Variants in SNX6 observed in about 807,000 individuals in gnomAD.
SNX6 encodes sorting nexin-6.
In SNX6, 34 loss-of-function variants were observed where a neutral mutation model predicts 63.0. The ratio of observed to expected loss-of-function variants is 0.54; its 90% CI spans 0.41 to 0.72. SNX6 has a LOEUF of 0.72. Ranked by LOEUF, SNX6 falls within the 30% of genes least tolerant of loss-of-function variation. The pLI, the probability that SNX6 is intolerant of heterozygous loss-of-function variation, is 0.00. For synonymous variants in SNX6, 170 were observed against 164.2 expected (o/e 1.04, Z -0.27); for missense variants, 398 against 471.4 (o/e 0.84, Z 1.44).
intron 9 of SNX6, 131 bp downstream of exon 9, chr14:34,586,099 C>T (rs1882143697): frequency 2.4e-6 from 1 of 417,652 alleles, no homozygotes; most frequent in Non-Finnish European, 4.4e-6. Context: ...GACGGGGTTT[C>T]ACCGTGTTGG....
intron 2 of SNX6, among the ~76,000 whole-genome samples, chr14:34,622,709 A>G (rs1318721971): frequency 6.6e-6 from 1 of 152,138 alleles, no homozygotes; most frequent in Non-Finnish European, 1.5e-5. Context: ...GAGGAACCAA[A>G]TTACCAACAC....
At chr14:34,622,045 G>A (rs895099020) in intron 2 of SNX6, among the ~76,000 whole-genome samples, 1 of 136,288 alleles carries the variant, frequency 7.3e-6, no homozygotes, top group African/African-American at 2.8e-5. Context: ...TGCTACCTCT[G>A]CCTCCTGGGT....
In SNX6 at chr14:34,626,933, T is replaced by C. The variant is rs953846861; in HGVS notation, c.54+2974A>G. On this transcript the variant is annotated intron_variant, in intron 2 of 13. Coordinates refer to ENST00000362031, the MANE Select transcript of SNX6 (RefSeq NM_152233.4). Reference sequence around the variant, plus strand: ...TCATATGCTTTATATTTAGAATAATTAGTTTAATTGTGCTATAATCAACTC... The same window carrying C: ...TCATATGCTTTATATTTAGAATAATCAGTTTAATTGTGCTATAATCAACTC... 1.6e-4 allele frequency among the ~76,000 whole-genome samples: 25 copies of C among 152,282 alleles called. 1 individual carries two copies. The highest frequency in any genetic ancestry group is 6.0e-4 in the African/African-American group (25 of 41,562).
intron 6 of SNX6, among the ~76,000 whole-genome samples, chr14:34,602,415 G>C (rs888322551): frequency 7.2e-6 from 1 of 139,178 alleles, no homozygotes; most frequent in Non-Finnish European, 1.6e-5. Context: ...AAACAAGAGC[G>C]AAACTGTCTT....
In SNX6 at chr14:34,603,331, A is replaced by G; in HGVS notation, c.516+17T>C. The G allele has an allele frequency of 1.3e-6, 2 of 1,576,668 alleles. No homozygotes were observed. Among genetic ancestry groups the G allele is most frequent in the Non-Finnish European group, 1.7e-6 (2 of 1,168,302 alleles). On this transcript the variant is annotated intron_variant, in intron 6 of 13. Transcript: ENST00000362031. ...GAAGAAAAAGAAAACTTGACCACCAATCAATGTGATACTCACATCTTGATT... is the reference window on the plus strand; with the variant it reads ...GAAGAAAAAGAAAACTTGACCACCAGTCAATGTGATACTCACATCTTGATT...
intron 6 of SNX6, 39 bp from the exon 7 acceptor site, chr14:34,597,684 T>C (rs370073248): frequency 5.6e-6 from 6 of 1,076,214 alleles, no homozygotes; most frequent in African/African-American, 1.6e-5. Flanking sequence ...AGGTTACAAA[T>C]GGAAAGCAGT....
At chr14:34,596,854 G>C (rs146544560) in intron 7 of SNX6, among the ~76,000 whole-genome samples, 44 of 151,898 alleles carry the variant, frequency 2.9e-4, no homozygotes, top group African/African-American at 9.6e-4. Flanking sequence ...ATTTTTAGTA[G>C]AGACGGGGTT....
In SNX6 at chr14:34,602,920, G is replaced by A. The variant is rs1162231096; in HGVS notation, c.516+428C>T. 2.7e-5 allele frequency among the ~76,000 whole-genome samples: 4 copies of A among 149,332 alleles called. No homozygotes were observed. In the East Asian group the frequency reaches 7.9e-4, roughly 30 times the overall value. ...GAACCCGGGAGGCGGAGCTTGCAGT[G>A]AGCTGAGATGACGCCACTGCACTCC... On this transcript the variant is annotated intron_variant, in intron 6 of 13. Coordinates refer to ENST00000362031, the MANE Select transcript of SNX6 (RefSeq NM_152233.4).
intron 6 of SNX6, among the ~76,000 whole-genome samples, chr14:34,602,261 A>G (rs1380106155): frequency 1.3e-5 from 2 of 151,988 alleles, no homozygotes; most frequent in Admixed American, 1.3e-4. Flanking sequence ...CCCCGTCTCT[A>G]CTAAAAATAC....
intron 13 of SNX6, among the ~76,000 whole-genome samples, chr14:34,564,015 A>C (rs1881054577): frequency 6.6e-6 from 1 of 152,064 alleles, no homozygotes; most frequent in African/African-American, 2.4e-5. Context: ...CTGTGATTAC[A>C]GGCGTGAGCC....
chr14:34,619,688 T>C (rs901785142), intron 2 of SNX6, among the ~76,000 whole-genome samples: 7 of 152,108 alleles, frequency 4.6e-5, no homozygotes, highest in South Asian at 2.1e-4. Flanking sequence ...TTTTACCACA[T>C]GTACAATGTA....
At chr14:34,580,406 A>T (rs750548421) in intron 10 of SNX6, among the ~76,000 whole-genome samples, 9 of 151,994 alleles carry the variant, frequency 5.9e-5, no homozygotes, top group Non-Finnish European at 1.2e-4. Flanking sequence ...GGGCTCAAGA[A>T]TCTTCCTGCC....
At chr14:34,583,092 G>A (rs1330893740) in intron 9 of SNX6, among the ~76,000 whole-genome samples, 1 of 152,092 alleles carries the variant, frequency 6.6e-6, no homozygotes, top group Non-Finnish European at 1.5e-5. Context: ...GGATCATGAG[G>A]TCAGGAGATC....
At chr14:34,586,606 G>T (rs990198065) in intron 8 of SNX6, among the ~76,000 whole-genome samples, 1 of 152,144 alleles carries the variant, frequency 6.6e-6, no homozygotes, top group Non-Finnish European at 1.5e-5. Context: ...TACTCGGGAG[G>T]CTGAGGCAGG....
intron 7 of SNX6, among the ~76,000 whole-genome samples, chr14:34,596,604 G>A (rs1327900949): frequency 4.6e-4 from 62 of 136,132 alleles, no homozygotes; most frequent in African/African-American, 1.3e-3. Context: ...GGGCAACAAA[G>A]CAAGACTCTA....
chr14:34,563,727 T>C (rs1019211131), intron 13 of SNX6, among the ~76,000 whole-genome samples: 3 of 125,340 alleles, frequency 2.4e-5, no homozygotes, highest in African/African-American at 8.8e-5. Context: ...ACCAGATTCT[T>C]CAGTAAATTT....
intron 2 of SNX6, among the ~76,000 whole-genome samples, chr14:34,615,616 C>CT (rs201318699): frequency 7.3e-5 from 11 of 151,688 alleles, no homozygotes; most frequent in South Asian, 4.2e-4. Flanking sequence ...TTCTCCTTTT[C>CT]TTTTTTTTTC....
intron 7 of SNX6, among the ~76,000 whole-genome samples, chr14:34,594,098 T>C (rs1281915693): frequency 2.0e-5 from 3 of 152,182 alleles, no homozygotes; most frequent in Non-Finnish European, 4.4e-5. Flanking sequence ...AAACATATTA[T>C]TGCCAGCAGA....
At chr14:34,566,981 G>A (rs948455731) in intron 13 of SNX6, among the ~76,000 whole-genome samples, 5 of 152,022 alleles carry the variant, frequency 3.3e-5, no homozygotes, top group African/African-American at 4.8e-5. Flanking sequence ...TCAGCACTAC[G>A]GGAGGCCGAG....
Sources: allele counts gnomAD v4.1 joint callset (sites outside exome capture counted in the v4.1 genomes callset), GRCh38; gene constraint gnomAD v4.1.1; transcripts MANE v1.5; gene names NCBI Gene and HGNC (gene_info 2026-07-23, HGNC 2026-07-21).